Variants in MYH11 observed in about 807,000 individuals in gnomAD.
MYH11 encodes myosin-11.
A neutral mutation model predicts 246.6 loss-of-function variants in MYH11; 80 were observed. That is an observed-to-expected ratio of 0.32 (90% CI 0.27 to 0.39). MYH11 has a LOEUF of 0.39. MYH11 is among the 10% of genes least tolerant of loss of function. The pLI is 1.00. For synonymous variants in MYH11, 1,071 were observed against 1,015.5 expected (o/e 1.05, Z -1.04); for missense variants, 2,158 against 2,546.8 (o/e 0.85, Z 3.29).
chr16:15,738,464 G>A (rs1388030006), intron 24 of MYH11, 101 bp downstream of exon 24: 12 of 1,160,290 alleles, frequency 1.0e-5, no homozygotes, highest in Non-Finnish European at 1.3e-5. Context: ...AGTGAGCCAT[G>A]ATCGCACCAC....
At chr16:15,856,530 T>C (rs1567223745) in intron 1 of MYH11, among the ~76,000 whole-genome samples, 2 of 152,064 alleles carry the variant, frequency 1.3e-5, no homozygotes, top group East Asian at 1.9e-4. Flanking sequence ...AAAAGTGAGA[T>C]GCCTTGATTG....
chr16:15,713,949 C>G (rs2039969249), intron 40 of MYH11: 1 of 152,300 alleles, frequency 6.6e-6, no homozygotes, highest in Non-Finnish European at 1.5e-5. Flanking sequence ...GGGACAGAGC[C>G]AAAGAAAGGT....
At chr16:15,721,090 A>G (rs748533016) in intron 32 of MYH11, 39 bp from the exon 33 acceptor site, 8 of 1,605,110 alleles carry the variant, frequency 5.0e-6, no homozygotes, top group African/African-American at 1.3e-5. Context: ...ATGAGGCTCA[A>G]CTTCATGAAG....
chr16:15,782,169 C>T (rs1473266029), intron 6 of MYH11, among the ~76,000 whole-genome samples: 1 of 152,100 alleles, frequency 6.6e-6, no homozygotes, highest in African/African-American at 2.4e-5. Context: ...GTGTGAGCCA[C>T]CGCACCAGGC....
Position 15,823,322 on chromosome 16 carries a change from C to A in MYH11, c.435G>T (p.Lys145Asn). The change falls in exon 3 of 41, where the codon AAG (lysine) becomes AAT (asparagine). Residue 145 changes from lysine (K) to asparagine (N), a missense_variant. Physicochemically the swap from Lys to Asn is moderately conservative, Grantham distance 94 (BLOSUM62 0). Transcript: ENST00000300036. ...TGTGAGGCGGCATCTCGTGCCTCTT[C>A]TTGCCCTTGTACATGTCGACGATCT... Reference protein sequence around the residue: ...SEKIVDMYKGKKRHEMPPHIY... With the variant: ...SEKIVDMYKGNKRHEMPPHIY... The A allele has an allele frequency of 1.9e-6, 3 of 1,614,214 alleles. No individual in the cohort carries two copies. Among genetic ancestry groups the A allele is most frequent in the South Asian group, 2.2e-5 (2 of 91,090 alleles).
In MYH11 at chr16:15,778,770, G is replaced by T; in HGVS notation, c.790+10C>A. ...GGTACCCATTTGGCCCAGGCTCAGGGAAAGGATACAGGTCTCAATGTTGGC... is the reference window on the plus strand; with the variant it reads ...GGTACCCATTTGGCCCAGGCTCAGGTAAAGGATACAGGTCTCAATGTTGGC... On this transcript the variant is annotated intron_variant, in intron 7 of 40. Coordinates refer to ENST00000300036, the MANE Select transcript of MYH11 (RefSeq NM_002474.3). 6.2e-7 allele frequency: 1 copy of T among 1,614,066 alleles called. No homozygotes were observed. The highest frequency in any genetic ancestry group is 8.5e-7 in the Non-Finnish European group (1 of 1,179,946).
chr16:15,767,875 C>T (rs1383293290), intron 9 of MYH11, among the ~76,000 whole-genome samples: 1 of 151,848 alleles, frequency 6.6e-6, no homozygotes, highest in Non-Finnish European at 1.5e-5. Flanking sequence ...AGGAACAGAT[C>T]TCCCTCAGTG....
At chr16:15,762,081 TCTC>T (rs2041880151) in intron 10 of MYH11, among the ~76,000 whole-genome samples, 1 of 152,242 alleles carries the variant, frequency 6.6e-6, no homozygotes, top group Non-Finnish European at 1.5e-5. Flanking sequence ...TTCAAGCAGT[TCTC>T]CTGCCTCAGC....
chr16:15,853,357 GC>G (rs2044377601), intron 1 of MYH11, among the ~76,000 whole-genome samples: 1 of 151,998 alleles, frequency 6.6e-6, no homozygotes, highest in Non-Finnish European at 1.5e-5. Context: ...TCGCTATGTT[GC>G]CCACTCTGGT....
chr16:15,764,025 A>C, intron 9 of MYH11, 134 bp from the exon 10 acceptor site: 1 of 740,086 alleles, frequency 1.4e-6, no homozygotes, highest in Non-Finnish European at 2.4e-6. Context: ...TTCTGAGCTC[A>C]ATATTTTCAT....
chr16:15,707,914 G>A lies in MYH11; in HGVS notation c.5787-3791C>T, dbSNP rs528670974. On this transcript the variant is annotated intron_variant, in intron 40 of 40. Transcript: ENST00000300036. ...TTGAACCCAGGAGGCAAAGGTTGCG[G>A]TGAGCCAAGATTGCGCCATTGCACT... Among the ~76,000 whole-genome samples the A allele has an allele frequency of 2.6e-5, 4 of 151,126 alleles. No individual in the cohort carries two copies. The East Asian group carries it at 7.8e-4, about 29-fold the overall frequency.
rs1555569336 is a variant in MYH11, at chr16:15,788,077, C to CTTTTTTTTTTTTTTTTT, written c.531-1362_531-1346dup. Among the ~76,000 whole-genome samples the CTTTTTTTTTTTTTTTTT allele has an allele frequency of 3.6e-4, 20 of 55,368 alleles. 2 individuals are homozygous for CTTTTTTTTTTTTTTTTT. The highest frequency in any genetic ancestry group is 9.1e-4 in the South Asian group (1 of 1,100). The allele number at this position is 55,368 out of a possible 152,430, so 36.3% of individuals were successfully genotyped here. A position where few individuals can be genotyped will look rare whatever the true frequency, so the allele number is the denominator to read the frequency against. On this transcript the variant is annotated intron_variant, in intron 4 of 40. Transcript: ENST00000300036. The stretch of plus-strand genomic sequence containing the variant: ...GTCCTCCTGGAATATGAAGGTAGAT[C>CTTTTTTTTTTTTTTTTT]TTTTTTTTTTTTTTTTTTACCAAGA...
chr16:15,703,139 G>A lies in MYH11; in HGVS notation c.*852C>T, dbSNP rs1397092074. On this transcript the variant is annotated 3_prime_UTR_variant, in exon 41 of 41. Coordinates refer to ENST00000300036, the MANE Select transcript of MYH11 (RefSeq NM_002474.3). ...TCAACAGAAAAGCCAACGACATTGT[G>A]ATTTATAACCATTTATTAGTGAAAG... 1 of 184,756 alleles carries A rather than the reference G, an allele frequency of 5.4e-6. No homozygotes were observed. Among genetic ancestry groups the A allele is most frequent in the Non-Finnish European group, 1.1e-5 (1 of 87,156 alleles). The allele number at this position is 184,756 out of a possible 1,614,324, so 11.4% of individuals were successfully genotyped here.
At chr16:15,770,501 C>T (rs1007507902) in intron 9 of MYH11, among the ~76,000 whole-genome samples, 1 of 152,158 alleles carries the variant, frequency 6.6e-6, no homozygotes, top group Non-Finnish European at 1.5e-5. Context: ...GTTCTCAAGA[C>T]CCAGTGTGTT....
At chr16:15,811,687 A>T (rs925326808) in intron 3 of MYH11, among the ~76,000 whole-genome samples, 1 of 151,980 alleles carries the variant, frequency 6.6e-6, no homozygotes, top group Non-Finnish European at 1.5e-5. Context: ...AATCTCAAGC[A>T]GAAGGATACA....
chr16:15,828,414 C>A (rs7196739), intron 2 of MYH11, among the ~76,000 whole-genome samples: 7,377 of 152,204 alleles, frequency 0.048, 268 homozygotes, highest in African/African-American at 0.099. Flanking sequence ...CTTCCCACAG[C>A]TGGTTCCCTC....
At chr16:15,823,172 C>T in intron 3 of MYH11, 83 bp downstream of exon 3, 3 of 1,590,116 alleles carry the variant, frequency 1.9e-6, no homozygotes, top group Non-Finnish European at 2.6e-6. Flanking sequence ...CTGCCAAACT[C>T]CACATTCCTG....
In MYH11 at chr16:15,737,471, C is replaced by T. The variant is rs201443445; in HGVS notation, c.3271G>A (p.Glu1091Lys). ...TACCTGGCCAGGGCCGCCTGCAGCTCCTCCTCCTTCTTGGCCAGCTGCATC... is the reference window on the plus strand; with the variant it reads ...TACCTGGCCAGGGCCGCCTGCAGCTTCTCCTCCTTCTTGGCCAGCTGCATC... The part of the protein sequence containing the change: ...LKMQLAKKEE[E>K]LQAALARLDD... The change falls in exon 25 of 41, where the codon GAG (glutamate) becomes AAG (lysine). Residue 1091 changes from glutamate (E) to lysine (K), a missense_variant. Physicochemically the swap from Glu to Lys is moderately conservative, Grantham distance 56 (BLOSUM62 1). Coordinates refer to ENST00000300036, the MANE Select transcript of MYH11 (RefSeq NM_002474.3). The T allele has an allele frequency of 6.2e-7, 1 of 1,613,094 alleles. No homozygotes were observed. Among genetic ancestry groups the T allele is most frequent in the Non-Finnish European group, 8.5e-7 (1 of 1,179,734 alleles).
At chr16:15,840,637 C>T (rs542133742) in intron 1 of MYH11, among the ~76,000 whole-genome samples, 10 of 152,182 alleles carry the variant, frequency 6.6e-5, no homozygotes, top group Admixed American at 2.6e-4. Flanking sequence ...GAGGCTAAGA[C>T]GGGAAGATGG....
Sources: allele counts gnomAD v4.1 joint callset (sites outside exome capture counted in the v4.1 genomes callset), GRCh38; gene constraint gnomAD v4.1.1; transcripts MANE v1.5; gene names NCBI Gene and HGNC (gene_info 2026-07-23, HGNC 2026-07-21).